Variants in OPA1 observed in about 807,000 individuals in gnomAD.
OPA1 encodes dynamin-like GTPase OPA1, mitochondrial.
A neutral mutation model predicts 152.9 loss-of-function variants in OPA1; 59 were observed. That is an observed-to-expected ratio of 0.39 (90% confidence interval 0.31 to 0.48). The LOEUF (loss-of-function observed/expected upper bound fraction) is 0.48, where lower values mean the gene tolerates loss of function less well. OPA1 is among the 20% of genes least tolerant of loss of function. The probability of loss-of-function intolerance (pLI) is 0.96; values close to 1 mark genes in which losing one functional copy is unlikely to be tolerated. For synonymous variants in OPA1, 400 were observed against 389.9 expected (o/e 1.03, Z -0.31); for missense variants, 1,008 against 1,216.8 (o/e 0.83, Z 2.55).
chr3:193,645,912 C>T, intron 18 of OPA1, 112 bp downstream of exon 18: 1 of 902,738 alleles, frequency 1.1e-6, no homozygotes, highest in South Asian at 1.6e-5. Context: ...CATCGGATTT[C>T]TAGAATTTTT....
intron 27 of OPA1, among the ~76,000 whole-genome samples, chr3:193,665,660 T>C (rs1240461437): frequency 1.3e-5 from 2 of 152,188 alleles, no homozygotes; most frequent in East Asian, 3.8e-4. Flanking sequence ...TCAACAATCT[T>C]ATTTAATTGA....
intron 6 of OPA1, chr3:193,624,083 A>G (rs1730630889): frequency 6.6e-6 from 1 of 152,664 alleles, no homozygotes; most frequent in Non-Finnish European, 1.5e-5. Flanking sequence ...TGGAGTATTT[A>G]CCATGCAGTT....
intron 11 of OPA1, among the ~76,000 whole-genome samples, chr3:193,640,766 G>C (rs1172379761): frequency 2.6e-5 from 4 of 152,082 alleles, no homozygotes; most frequent in African/African-American, 4.8e-5. Flanking sequence ...TTTAGCTGGT[G>C]GGGGGTAGGT....
chr3:193,624,580 G>A (rs1308482560), intron 6 of OPA1, among the ~76,000 whole-genome samples: 2 of 152,006 alleles, frequency 1.3e-5, no homozygotes, highest in Non-Finnish European at 2.9e-5. Flanking sequence ...ATAGTAGTTA[G>A]CATTGTCTTT....
Position 193,696,259 on chromosome 3 carries a change from A to G in OPA1, c.*1659A>G, listed in dbSNP as rs1470484575. ...GGACCATATTTATTTACTTCTGTCA[A>G]CTATAGAAAGAAAGACCTTCAGCTG... On this transcript the variant is annotated 3_prime_UTR_variant, in exon 31 of 31. Transcript: ENST00000361510. The G allele has an allele frequency of 1.3e-5, 2 of 152,266 alleles. No homozygotes were observed. The highest frequency in any genetic ancestry group is 1.3e-4 in the Admixed American group (2 of 15,288). The allele number at this position is 152,266 out of a possible 1,614,324, so 9.4% of individuals were successfully genotyped here.
chr3:193,609,803 G>A (rs1230314773), intron 1 of OPA1, among the ~76,000 whole-genome samples: 2 of 152,088 alleles, frequency 1.3e-5, no homozygotes, highest in African/African-American at 4.8e-5. Flanking sequence ...TTCCATCACT[G>A]ATACCCTTTC....
intron 25 of OPA1, among the ~76,000 whole-genome samples, chr3:193,661,239 A>G (rs1333952196): frequency 1.3e-5 from 2 of 152,228 alleles, no homozygotes; most frequent in African/African-American, 4.8e-5. Flanking sequence ...TTCTCCCCAC[A>G]GGATTTCAGG....
At chr3:193,630,839 T>TTTA (rs1731964286) in intron 7 of OPA1, among the ~76,000 whole-genome samples, 1 of 152,182 alleles carries the variant, frequency 6.6e-6, no homozygotes, top group African/African-American at 2.4e-5. Flanking sequence ...TAAAACCTGT[T>TTTA]ATAAAATAAA....
intron 1 of OPA1, among the ~76,000 whole-genome samples, chr3:193,596,550 T>A (rs1328754764): frequency 6.6e-6 from 1 of 151,908 alleles, no homozygotes; most frequent in Non-Finnish European, 1.5e-5. Context: ...GCAACTTAAT[T>A]TTTTTATTTT....
intron 9 of OPA1, 39 bp from the exon 10 acceptor site, chr3:193,637,156 T>C: frequency 8.7e-7 from 1 of 1,150,888 alleles, no homozygotes; most frequent in Non-Finnish European, 1.3e-6. Context: ...TTTCTTTACT[T>C]TTACTGTTTT....
intron 8 of OPA1, 77 bp downstream of exon 8, chr3:193,631,742 A>AT: frequency 7.6e-7 from 1 of 1,318,678 alleles, no homozygotes; most frequent in Non-Finnish European, 1.1e-6. Flanking sequence ...ATGGACATTT[A>AT]TTTTTTCAAC....
At position 193,622,226 on chromosome 3, in the gene OPA1, C is replaced by CTTTTTTTTT. The variant is rs758993120; in HGVS notation, c.678+3303_678+3311dup. On this transcript the variant is annotated intron_variant, in intron 6 of 30. Transcript: ENST00000361510. ...TTTCTTGCAACATATTACTCTCATT[C>CTTTTTTTTT]TTTTTTTTTTTTTTTTTTTTTGAGA... Among the ~76,000 whole-genome samples the CTTTTTTTTT allele has an allele frequency of 1.3e-3, 140 of 107,892 alleles. 1 individual carries two copies. The highest frequency in any genetic ancestry group is 1.8e-3 in the African/African-American group (46 of 26,018). 70.8% of individuals were successfully genotyped at this position (107,892 alleles called of 152,430 possible).
At chr3:193,653,861 A>G (rs575801725) in intron 21 of OPA1, among the ~76,000 whole-genome samples, 65 of 152,340 alleles carry the variant, frequency 4.3e-4, no homozygotes, top group Non-Finnish European at 4.3e-4. Context: ...AATGACCACT[A>G]TAAACTTACT....
At chr3:193,631,105 C>T (rs560047487) in intron 7 of OPA1, among the ~76,000 whole-genome samples, 1 of 152,262 alleles carries the variant, frequency 6.6e-6, no homozygotes, top group South Asian at 2.1e-4. Context: ...TTACATAATT[C>T]GCTACTTATG....
intron 8 of OPA1, among the ~76,000 whole-genome samples, chr3:193,634,204 G>T (rs1732559070): frequency 6.6e-6 from 1 of 150,588 alleles, no homozygotes; most frequent in South Asian, 2.1e-4. Context: ...GTTTAGAGAA[G>T]AAATAAAAGC....
chr3:193,596,588 A>G (rs562244506), intron 1 of OPA1, among the ~76,000 whole-genome samples: 2 of 151,996 alleles, frequency 1.3e-5, no homozygotes, highest in Non-Finnish European at 2.9e-5. Flanking sequence ...GACACCTAGC[A>G]CTGAGCATTG....
chr3:193,643,294 A>G, intron 13 of OPA1, 79 bp from the exon 14 acceptor site: 1 of 1,156,920 alleles, frequency 8.6e-7, no homozygotes, highest in Non-Finnish European at 1.3e-6. Flanking sequence ...GAATTTTTAG[A>G]ATACATTTCA....
At chr3:193,626,514 A>C (rs924024658) in intron 7 of OPA1, among the ~76,000 whole-genome samples, 2 of 152,154 alleles carry the variant, frequency 1.3e-5, no homozygotes, top group African/African-American at 4.8e-5. Context: ...AGTCACCCTA[A>C]GTTTGTAGGC....
At chr3:193,631,090 AT>A (rs1560352890) in intron 7 of OPA1, among the ~76,000 whole-genome samples, 3 of 152,198 alleles carry the variant, frequency 2.0e-5, no homozygotes, top group African/African-American at 7.2e-5. Context: ...TGTTCTTTGC[AT>A]TTATTACATA....
Sources: allele counts gnomAD v4.1 joint callset (sites outside exome capture counted in the v4.1 genomes callset), GRCh38; gene constraint gnomAD v4.1.1; transcripts MANE v1.5; gene names NCBI Gene and HGNC (gene_info 2026-07-23, HGNC 2026-07-21).